The following TGS1 variants were observed in gnomAD, a reference collection of about 807,000 sequenced individuals.
The protein encoded by TGS1 is trimethylguanosine synthase 1.
In TGS1, 69 loss-of-function variants were observed where a neutral mutation model predicts 92.2. The observed-to-expected ratio is 0.75, with a 90% CI of 0.62 to 0.91. TGS1 has a LOEUF of 0.91. Ranked by LOEUF, TGS1 falls within the 40% of genes least tolerant of loss-of-function variation. The pLI is 0.00. For missense variants in TGS1, 1,062 were observed against 1,001.2 expected (o/e 1.06, Z -0.82); for synonymous variants, 345 against 338.1 (o/e 1.02, Z -0.22).
intron 12 of TGS1, among the ~76,000 whole-genome samples, chr8:55,813,904 G>A (rs1222441248): frequency 6.6e-6 from 1 of 152,100 alleles, no homozygotes; most frequent in Admixed American, 6.6e-5. Context: ...CTGTGCTTTA[G>A]AGTTTTATAG....
chr8:55,806,356 CAAAAAAAAAAA>C (rs1047234489), intron 10 of TGS1, among the ~76,000 whole-genome samples: 7 of 39,006 alleles, frequency 1.8e-4, no homozygotes, highest in South Asian at 9.7e-4. Flanking sequence ...GACTCCACCT[CAAAAAAAAAAA>C]AAAAAAAAAA....
intron 12 of TGS1, 147 bp from the exon 13 acceptor site, chr8:55,824,434 G>T: frequency 1.0e-6 from 1 of 955,670 alleles, no homozygotes; most frequent in South Asian, 1.7e-5. Flanking sequence ...CGATGCCTGG[G>T]AAGTAGCAGT....
intron 9 of TGS1, among the ~76,000 whole-genome samples, chr8:55,803,128 G>T (rs555509658): frequency 1.7e-4 from 24 of 144,262 alleles, no homozygotes; most frequent in Admixed American, 2.7e-4. Flanking sequence ...TCAATTTGGG[G>T]GGGTGTGTGT....
intron 9 of TGS1, among the ~76,000 whole-genome samples, chr8:55,803,121 A>G (rs1402648502): frequency 6.9e-6 from 1 of 145,030 alleles, no homozygotes; most frequent in Admixed American, 6.8e-5. Flanking sequence ...ATGCCCTTCA[A>G]TTTGGGGGGG....
intron 1 of TGS1, among the ~76,000 whole-genome samples, chr8:55,782,345 C>G (rs1811590405): frequency 6.6e-6 from 1 of 152,046 alleles, no homozygotes; most frequent in African/African-American, 2.4e-5. Flanking sequence ...CCACGCCCAG[C>G]TAATTTGTGT....
intron 1 of TGS1, among the ~76,000 whole-genome samples, chr8:55,777,995 G>T (rs565529878): frequency 2.3e-4 from 35 of 151,982 alleles, no homozygotes; most frequent in Non-Finnish European, 2.9e-5. Flanking sequence ...GTCTTGGCTG[G>T]TTGTGGTGGT....
At chr8:55,805,881 TAAAAAA>T (rs60887117) in intron 10 of TGS1, among the ~76,000 whole-genome samples, 186 of 119,188 alleles carry the variant, frequency 1.6e-3, no homozygotes, top group African/African-American at 4.8e-3. Context: ...GACTCCATCT[TAAAAAA>T]AAAAAAAAAA....
chr8:55,793,647 G>A (rs765129829), intron 6 of TGS1, among the ~76,000 whole-genome samples: 1 of 151,932 alleles, frequency 6.6e-6, no homozygotes, highest in African/African-American at 2.4e-5. Flanking sequence ...GGCCCACTGC[G>A]ACATCCGCCT....
In TGS1 at chr8:55,802,563, C is replaced by G. The variant is rs777416257; in HGVS notation, c.1956C>G (p.Tyr652Ter). The change falls in exon 9 of 13, where the codon TAC becomes TAG. Residue 652 changes from tyrosine to a stop codon, truncating the protein, a stop_gained. Transcript: ENST00000260129. LOFTEE classifies it high-confidence loss of function. ...PELAKYWAQR[Y>*]RLFSRFDDGI... is the part of the protein sequence containing the mutation. The stretch of plus-strand genomic sequence containing the variant: ...TGGCAAAATACTGGGCCCAGAGGTA[C>G]AGGCTCTTCTCCCGTTTTGATGATG... The G allele has an allele frequency of 4.3e-6, 7 of 1,614,112 alleles. No individual in the cohort carries two copies. In the East Asian group the frequency reaches 1.3e-4, roughly 31 times the overall value.
rs561460632 is a variant in TGS1, at chr8:55,805,635, C to T, written c.2143+599C>T. On this transcript the variant is annotated intron_variant, in intron 10 of 12. Transcript: ENST00000260129. ...GCGTAGTGGCTTACCCCTGTAATCC[C>T]GGCACTTTGGTAGGCCAAGGTAGGC... 8.5e-5 allele frequency among the ~76,000 whole-genome samples: 13 copies of T among 152,208 alleles called. No homozygotes were observed. In the South Asian group the frequency reaches 1.0e-3, roughly 12 times the overall value.
At chr8:55,819,288 A>ATTTTT (rs201975270) in intron 12 of TGS1, among the ~76,000 whole-genome samples, 2 of 75,016 alleles carry the variant, frequency 2.7e-5, no homozygotes, top group Non-Finnish European at 4.9e-5. Context: ...TGCCTGGGAG[A>ATTTTT]TTTTTTTTTT....
chr8:55,794,877 T>C (rs1811996318), intron 6 of TGS1, among the ~76,000 whole-genome samples: 1 of 152,190 alleles, frequency 6.6e-6, no homozygotes, highest in Non-Finnish European at 1.5e-5. Flanking sequence ...GTTTCATAAG[T>C]TGTGAAATTT....
intron 1 of TGS1, 133 bp downstream of exon 1, chr8:55,773,852 AAAAAC>A: frequency 1.5e-6 from 1 of 686,994 alleles, no homozygotes; most frequent in Non-Finnish European, 2.4e-6. Context: ...GATGTTTAAG[AAAAAC>A]AAAACCCTCA....
intron 7 of TGS1, among the ~76,000 whole-genome samples, chr8:55,797,668 A>G (rs1221056326): frequency 6.6e-6 from 1 of 152,156 alleles, no homozygotes; most frequent in African/African-American, 2.4e-5. Flanking sequence ...TAGTTAGAAA[A>G]TTGCTTGGTG....
At chr8:55,774,103 A>G (rs1265800707) in intron 1 of TGS1, among the ~76,000 whole-genome samples, 2 of 152,206 alleles carry the variant, frequency 1.3e-5, no homozygotes, top group Admixed American at 6.5e-5. Flanking sequence ...CTTTTTTTAA[A>G]CCTAAAAATC....
At chr8:55,796,408 C>T (rs920629194) in intron 7 of TGS1, among the ~76,000 whole-genome samples, 22 of 151,980 alleles carry the variant, frequency 1.4e-4, no homozygotes, top group Admixed American at 7.2e-4. Flanking sequence ...AAAACGCAGC[C>T]GTCAGGCGTG....
chr8:55,776,305 G>T (rs1811396606), intron 1 of TGS1, among the ~76,000 whole-genome samples: 2 of 138,834 alleles, frequency 1.4e-5, no homozygotes, highest in Non-Finnish European at 3.1e-5. Context: ...TTTTGAGACA[G>T]AGTCTCGCTT....
chr8:55,790,162 C>G lies in TGS1; in HGVS notation c.1163-20C>G, dbSNP rs1181204082. Reference sequence around the variant, plus strand: ...TCAAACCAAGGGGGAAAAGCTACTGCAATATTTCTGCCTCTTTAGATTCAC... The same window carrying G: ...TCAAACCAAGGGGGAAAAGCTACTGGAATATTTCTGCCTCTTTAGATTCAC... On this transcript the variant is annotated intron_variant, in intron 4 of 12. Transcript: ENST00000260129. 38 of 1,577,382 alleles carry G rather than the reference C, an allele frequency of 2.4e-5. No individual in the cohort carries two copies. Among genetic ancestry groups the G allele is most frequent in the Non-Finnish European group, 3.0e-5 (35 of 1,148,898 alleles).
intron 1 of TGS1, among the ~76,000 whole-genome samples, chr8:55,779,403 A>G (rs1811492885): frequency 6.6e-6 from 1 of 152,142 alleles, no homozygotes; most frequent in South Asian, 2.1e-4. Flanking sequence ...TTTACCTCTC[A>G]CCCATGAGGA....
Sources: allele counts gnomAD v4.1 joint callset (sites outside exome capture counted in the v4.1 genomes callset), GRCh38; gene constraint gnomAD v4.1.1; transcripts MANE v1.5; gene names NCBI Gene and HGNC (gene_info 2026-07-23, HGNC 2026-07-21).